PCDHA11: variants seen among roughly 807,000 people sequenced by gnomAD.
PCDHA11 encodes the protein protocadherin alpha-11.
Under a neutral mutation model 70.3 loss-of-function variants are expected in PCDHA11, and 61 were observed. The observed-to-expected ratio is 0.87, with a 90% CI of 0.71 to 1.07. PCDHA11 has a LOEUF of 1.07. Among genes scored for constraint, PCDHA11 ranks in the 50% least tolerant of loss-of-function variants. The probability of loss-of-function intolerance (pLI) is 0.00; values close to 1 mark genes in which losing one functional copy is unlikely to be tolerated. For missense variants in PCDHA11, 1,324 were observed against 1,237.5 expected, an observed-to-expected ratio of 1.07 and a Z score of -1.05; for synonymous variants, 633 against 555.1, an observed-to-expected ratio of 1.14 and a Z score of -1.97.
At chr5:140,919,982 G>GA (rs35005979) in intron 1 of PCDHA11, among the ~76,000 whole-genome samples, 49,705 of 152,056 alleles carry the variant, frequency 0.33, 8,403 homozygotes, top group East Asian at 0.53. Flanking sequence ...GATAGAAGAT[G>GA]GAAAACAGAC....
Position 141,009,646 on chromosome 5 carries a change from G to A in PCDHA11, c.2559G>A (p.Val853=), listed in dbSNP as rs369515881. 16 of 1,613,668 alleles carry A rather than the reference G, an allele frequency of 9.9e-6. No individual in the cohort carries two copies. The highest frequency in any genetic ancestry group is 5.5e-5 in the South Asian group (5 of 91,030). ...TTTCAGAACCAGAGGCAGGAGAAGT[G>A]TCCCCTCCAGTCGGTGCGGGTGTCA... is the stretch of plus-strand genomic sequence containing the variant. ...SATPEPEAGE[V]SPPVGAGVNS... The change falls in exon 4 of 4, where the codon GTG becomes GTA. Residue 853 remains valine, a synonymous_variant. Coordinates refer to ENST00000398640, the MANE Select transcript of PCDHA11 (RefSeq NM_018902.5).
At chr5:140,927,714 C>G (rs111315855) in intron 1 of PCDHA11, 1 of 1,614,198 alleles carries the variant, frequency 6.2e-7, no homozygotes. Flanking sequence ...CCCTAAGCAA[C>G]AGCACGCAAG....
intron 1 of PCDHA11, chr5:140,883,520 G>T (rs1554178526): frequency 6.2e-7 from 1 of 1,614,104 alleles, no homozygotes; most frequent in African/African-American, 1.3e-5. Context: ...CCGCGAGAGC[G>T]TATCAGCCTA....
chr5:140,914,815 GACTGCATAAACAAAAAACAAACACACAA>G (rs2076856567), intron 1 of PCDHA11, among the ~76,000 whole-genome samples: 1 of 151,986 alleles, frequency 6.6e-6, no homozygotes, highest in Non-Finnish European at 1.5e-5. Context: ...CAACTTAACA[GACTGCATAAACAAAAAACAAACACACAA>G]AAGGAAGACT....
chr5:140,902,599 G>T (rs981296505), intron 1 of PCDHA11, among the ~76,000 whole-genome samples: 3 of 152,024 alleles, frequency 2.0e-5, no homozygotes, highest in African/African-American at 7.2e-5. Flanking sequence ...GAAACAGGTC[G>T]TTTTCAGTTA....
Position 140,870,665 on chromosome 5 carries a change from C to T in PCDHA11, c.1562C>T (p.Pro521Leu), listed in dbSNP as rs782328974. The part of the protein sequence containing the change: ...AESGKVYALQ[P>L]LDHEELELLQ... ...AGCGGCAAGGTGTACGCGCTGCAGC[C>T]GTTGGACCACGAGGAGCTGGAGCTG... Residue 521 changes from proline to leucine, a missense_variant, in exon 1 of 4, where the codon CCG becomes CTG. Coordinates refer to ENST00000398640, the MANE Select transcript of PCDHA11 (RefSeq NM_018902.5). 1.2e-5 allele frequency: 20 copies of T among 1,612,506 alleles called. No individual in the cohort carries two copies. The South Asian group carries it at 1.4e-4, about 12-fold the overall frequency.
At chr5:140,939,350 A>G (rs2153641006) in intron 1 of PCDHA11, among the ~76,000 whole-genome samples, 1 of 152,266 alleles carries the variant, frequency 6.6e-6, no homozygotes, top group East Asian at 1.9e-4. Context: ...ATTTCAACTT[A>G]TGATTGCAAA....
intron 3 of PCDHA11, among the ~76,000 whole-genome samples, chr5:141,000,395 C>A (rs664650): frequency 0.072 from 3,868 of 53,704 alleles, 168 homozygotes; most frequent in Non-Finnish European, 0.081. Flanking sequence ...CTCTCTCTCT[C>A]TATATATATA....
chr5:140,900,101 T>C (rs2067753417), intron 1 of PCDHA11, among the ~76,000 whole-genome samples: 1 of 152,180 alleles, frequency 6.6e-6, no homozygotes, highest in African/African-American at 2.4e-5. Flanking sequence ...TGCGCCACCA[T>C]ACCTGGCCTT....
chr5:140,878,600 A>G (rs2153362487), intron 1 of PCDHA11, among the ~76,000 whole-genome samples: 1 of 152,320 alleles, frequency 6.6e-6, no homozygotes, highest in East Asian at 1.9e-4. Context: ...TACCAAGTGA[A>G]TCTTCTAATG....
At chr5:140,993,151 TC>T (rs2097543126) in intron 3 of PCDHA11, among the ~76,000 whole-genome samples, 1 of 152,246 alleles carries the variant, frequency 6.6e-6, no homozygotes, top group Admixed American at 6.5e-5. Flanking sequence ...ATAAATGGAT[TC>T]TAAATATTTG....
intron 1 of PCDHA11, among the ~76,000 whole-genome samples, chr5:140,947,108 T>G (rs1419361342): frequency 6.6e-6 from 1 of 151,486 alleles, no homozygotes; most frequent in East Asian, 1.9e-4. Context: ...AATAGGTACG[T>G]GTCAATTAAA....
intron 1 of PCDHA11, chr5:140,883,186 C>T (rs782501193): frequency 1.4e-5 from 23 of 1,613,822 alleles, no homozygotes; most frequent in African/African-American, 2.7e-5. Context: ...GGACAAAAGG[C>T]AAACTAGATT....
intron 1 of PCDHA11, among the ~76,000 whole-genome samples, chr5:140,945,071 C>A (rs246061): frequency 0.56 from 85,726 of 151,850 alleles, 24,797 homozygotes; most frequent in African/African-American, 0.69. Context: ...CAGACTCCAC[C>A]AAAACACTCT....
chr5:140,949,978 C>T (rs557456282), intron 1 of PCDHA11, among the ~76,000 whole-genome samples: 1 of 151,916 alleles, frequency 6.6e-6, no homozygotes, highest in East Asian at 1.9e-4. Context: ...AGCATACATA[C>T]TTAACTTTTC....
At chr5:140,974,652 C>T (rs1238427822) in intron 1 of PCDHA11, among the ~76,000 whole-genome samples, 2 of 152,078 alleles carry the variant, frequency 1.3e-5, no homozygotes, top group East Asian at 1.9e-4. Context: ...GCTGAGATTA[C>T]AGGCATGCGC....
At chr5:140,876,753 G>A in intron 1 of PCDHA11, 2 of 1,614,246 alleles carry the variant, frequency 1.2e-6, no homozygotes, top group Non-Finnish European at 1.7e-6. Flanking sequence ...TGGTGACTGC[G>A]CGGGATGGGG....
intron 1 of PCDHA11, chr5:140,967,013 G>A: frequency 1.9e-6 from 3 of 1,606,874 alleles, no homozygotes; most frequent in Non-Finnish European, 2.5e-6. Flanking sequence ...CAACCATCTG[G>A]GTGCGCCCAG....
intron 3 of PCDHA11, among the ~76,000 whole-genome samples, chr5:141,004,948 C>T (rs1356526927): frequency 6.6e-6 from 1 of 152,236 alleles, no homozygotes; most frequent in African/African-American, 2.4e-5. Context: ...TTCTTACCCT[C>T]TCTCGTCACT....
Sources: allele counts gnomAD v4.1 joint callset (sites outside exome capture counted in the v4.1 genomes callset), GRCh38; gene constraint gnomAD v4.1.1; transcripts MANE v1.5; gene names NCBI Gene and HGNC (gene_info 2026-07-23, HGNC 2026-07-21).